Variants in CERS6 observed in about 807,000 individuals in gnomAD.
The protein encoded by CERS6 is LAG1 homolog, ceramide synthase 6.
A neutral mutation model predicts 56.8 loss-of-function variants in CERS6; 26 were observed. The observed-to-expected ratio is 0.46, with a 90% CI of 0.34 to 0.63. The LOEUF (loss-of-function observed/expected upper bound fraction) is 0.63, where lower values mean the gene tolerates loss of function less well. Among genes scored for constraint, CERS6 ranks in the 30% least tolerant of loss-of-function variants. CERS6 has a pLI of 0.01. For missense variants in CERS6, 415 were observed against 467.5 expected, an observed-to-expected ratio of 0.89 and a Z score of 1.04; for synonymous variants, 164 against 173.3, an observed-to-expected ratio of 0.95 and a Z score of 0.42.
At chr2:168,723,348 C>T (rs558410924) in intron 8 of CERS6, among the ~76,000 whole-genome samples, 1 of 152,270 alleles carries the variant, frequency 6.6e-6, no homozygotes, top group South Asian at 2.1e-4. Flanking sequence ...CTGCCTTTTT[C>T]TCCTAGTTCT....
At chr2:168,652,004 A>G (rs768705663) in intron 4 of CERS6, among the ~76,000 whole-genome samples, 3 of 151,820 alleles carry the variant, frequency 2.0e-5, no homozygotes, top group Admixed American at 6.6e-5. Context: ...TCTTTTTCAT[A>G]CATTATCTCT....
chr2:168,681,973 C>G (rs897994898), intron 4 of CERS6, among the ~76,000 whole-genome samples: 4 of 152,120 alleles, frequency 2.6e-5, no homozygotes, highest in Non-Finnish European at 4.4e-5. Flanking sequence ...GGATTTCATT[C>G]CTTTATATGA....
intron 4 of CERS6, among the ~76,000 whole-genome samples, chr2:168,677,158 A>C (rs1340561826): frequency 6.6e-6 from 1 of 151,350 alleles, no homozygotes; most frequent in East Asian, 1.9e-4. Context: ...TCCTGACGCT[A>C]TCCCTCCCCT....
intron 1 of CERS6, among the ~76,000 whole-genome samples, chr2:168,477,619 T>C (rs1694103364): frequency 1.3e-5 from 2 of 152,256 alleles, no homozygotes; most frequent in African/African-American, 4.8e-5. Flanking sequence ...GTGGCAACTT[T>C]TGTACGTCTT....
At chr2:168,625,981 C>G (rs1227957762) in intron 3 of CERS6, among the ~76,000 whole-genome samples, 4 of 152,104 alleles carry the variant, frequency 2.6e-5, no homozygotes, top group Non-Finnish European at 5.9e-5. Context: ...ACATTGTCTT[C>G]CATTTTTAGG....
At chr2:168,480,111 A>G (rs1694152462) in intron 1 of CERS6, among the ~76,000 whole-genome samples, 1 of 152,216 alleles carries the variant, frequency 6.6e-6, no homozygotes, top group African/African-American at 2.4e-5. Flanking sequence ...TCCCTGGCCC[A>G]TAGTAGGTAG....
intron 1 of CERS6, among the ~76,000 whole-genome samples, chr2:168,477,048 T>C (rs1694084242): frequency 1.3e-5 from 2 of 152,038 alleles, no homozygotes; most frequent in Non-Finnish European, 2.9e-5. Flanking sequence ...GAGACAAGCC[T>C]AAGATCAAGG....
intron 1 of CERS6, among the ~76,000 whole-genome samples, chr2:168,541,393 C>T (rs1695366635): frequency 6.6e-6 from 1 of 152,084 alleles, no homozygotes; most frequent in South Asian, 2.1e-4. Flanking sequence ...TCTCCTTTTT[C>T]CCTGTGACTC....
intron 4 of CERS6, among the ~76,000 whole-genome samples, chr2:168,645,017 G>A (rs559870480): frequency 1.4e-5 from 2 of 140,922 alleles, no homozygotes; most frequent in African/African-American, 2.7e-5. Flanking sequence ...TCTTGAACCC[G>A]GGGGCGGAGG....
chr2:168,596,782 T>C (rs1015159045), intron 3 of CERS6, among the ~76,000 whole-genome samples: 1 of 152,074 alleles, frequency 6.6e-6, no homozygotes, highest in African/African-American at 2.4e-5. Flanking sequence ...TCATGAACGC[T>C]TGGCGTCCCA....
chr2:168,609,264 G>A (rs923836904), intron 3 of CERS6, among the ~76,000 whole-genome samples: 3 of 151,970 alleles, frequency 2.0e-5, no homozygotes, highest in Non-Finnish European at 4.4e-5. Flanking sequence ...CAAGTAGCTG[G>A]GACTGTGAGT....
rs192848293 is a variant in CERS6 at position 168,545,236 on chromosome 2, A to T, written c.171-2360A>T. Reference sequence around the variant, plus strand: ...GAGGAGATTAAGGCAGAGAGAGATTAATTCCTGTAGCTAAATCTCCATAGC... The same window carrying T: ...GAGGAGATTAAGGCAGAGAGAGATTTATTCCTGTAGCTAAATCTCCATAGC... On this transcript the variant is annotated intron_variant, in intron 1 of 9. Coordinates refer to ENST00000305747, the MANE Select transcript of CERS6 (RefSeq NM_203463.3). 1.8e-3 allele frequency among the ~76,000 whole-genome samples: 273 copies of T among 152,260 alleles called. 1 individual carries two copies. The highest frequency in any genetic ancestry group is 3.4e-3 in the Middle Eastern group (1 of 294).
At chr2:168,555,940 A>G (rs1695670877) in intron 2 of CERS6, among the ~76,000 whole-genome samples, 3 of 152,126 alleles carry the variant, frequency 2.0e-5, no homozygotes, top group Admixed American at 1.3e-4. Flanking sequence ...ATTCATACCT[A>G]TAATATCAAA....
intron 3 of CERS6, among the ~76,000 whole-genome samples, chr2:168,620,056 C>T (rs1227956477): frequency 7.0e-5 from 9 of 128,278 alleles, no homozygotes; most frequent in East Asian, 5.6e-4. Context: ...CACACACACA[C>T]ACACACATAT....
chr2:168,624,753 G>A (rs1280994249), intron 3 of CERS6, among the ~76,000 whole-genome samples: 26 of 152,088 alleles, frequency 1.7e-4, no homozygotes, highest in Non-Finnish European at 3.1e-4. Context: ...TCATTGGAAG[G>A]TTTTTATAAA....
chr2:168,671,851 A>G (rs11687122), intron 4 of CERS6, among the ~76,000 whole-genome samples: 63,519 of 152,020 alleles, frequency 0.42, 14,310 homozygotes, highest in Non-Finnish European at 0.51. Context: ...ACTCCAAACT[A>G]GGCTATTTCT....
chr2:168,599,846 T>G (rs1683890109), intron 3 of CERS6, among the ~76,000 whole-genome samples: 1 of 152,168 alleles, frequency 6.6e-6, no homozygotes. Flanking sequence ...GTAGGGCTGG[T>G]GATGTAGAGA....
chr2:168,714,899 G>A (rs941318692), intron 6 of CERS6, 102 bp from the exon 7 acceptor site: 2 of 1,064,778 alleles, frequency 1.9e-6, no homozygotes, highest in African/African-American at 3.2e-5. Context: ...CTCAGTGCTA[G>A]GTTTGTGGAG....
At chr2:168,581,006 A>T (rs1311920574) in intron 3 of CERS6, among the ~76,000 whole-genome samples, 1 of 150,494 alleles carries the variant, frequency 6.6e-6, no homozygotes, top group African/African-American at 2.5e-5. Context: ...AAATCTATGA[A>T]TCTATGGATT....
Sources: allele counts gnomAD v4.1 joint callset (sites outside exome capture counted in the v4.1 genomes callset), GRCh38; gene constraint gnomAD v4.1.1; transcripts MANE v1.5; gene names NCBI Gene and HGNC (gene_info 2026-07-23, HGNC 2026-07-21).